The following AOAH variants were observed in gnomAD, a reference collection of about 807,000 sequenced individuals.
The protein encoded by AOAH is acyloxyacyl hydrolase (neutrophil).
Under a neutral mutation model 92.2 loss-of-function variants are expected in AOAH, and 64 were observed. The ratio of observed to expected loss-of-function variants is 0.69; its 90% CI spans 0.57 to 0.86. The LOEUF is 0.86. Among genes scored for constraint, AOAH ranks in the 40% least tolerant of loss-of-function variants. The pLI is 0.00. For synonymous variants in AOAH, 263 were observed against 254.5 expected, an observed-to-expected ratio of 1.03 and a Z score of -0.32; for missense variants, 656 against 694.6, an observed-to-expected ratio of 0.94 and a Z score of 0.62.
intron 2 of AOAH, among the ~76,000 whole-genome samples, chr7:36,680,261 T>C (rs1334773899): frequency 6.6e-6 from 1 of 152,140 alleles, no homozygotes; most frequent in East Asian, 1.9e-4. Flanking sequence ...TGGATGAAAC[T>C]GAGGGTCAGA....
intron 2 of AOAH, among the ~76,000 whole-genome samples, chr7:36,677,966 G>C (rs546218522): frequency 3.3e-5 from 5 of 152,004 alleles, no homozygotes; most frequent in African/African-American, 1.2e-4. Context: ...GTTTGGGGGC[G>C]GATGCTAAAA....
At chr7:36,659,755 C>CTTTT (rs112482487) in intron 3 of AOAH, among the ~76,000 whole-genome samples, 8 of 127,950 alleles carry the variant, frequency 6.3e-5, no homozygotes, top group Non-Finnish European at 9.5e-5. Flanking sequence ...TTTTTTCTTT[C>CTTTT]TTTTTTTTTT....
At chr7:36,568,489 T>C (rs1038860794) in intron 13 of AOAH, among the ~76,000 whole-genome samples, 2 of 152,212 alleles carry the variant, frequency 1.3e-5, no homozygotes, top group Admixed American at 6.5e-5. Flanking sequence ...TTCTGACCCA[T>C]TGGGCACCTA....
Position 36,535,639 on chromosome 7 carries a change from G to A in AOAH, c.1307-3295C>T, listed in dbSNP as rs1055548668. ...GCTTCCTCTCCATAGTCTAACCCTT[G>A]GGATGGCCCCTGAATGCCTGTGACT... is the stretch of plus-strand genomic sequence containing the variant. On this transcript the variant is annotated intron_variant, in intron 16 of 20. Transcript: ENST00000617537. Among the ~76,000 whole-genome samples, 3 of 152,290 alleles carry A rather than the reference G, an allele frequency of 2.0e-5. 1 individual carries two copies. The highest frequency in any genetic ancestry group is 4.1e-4 in the South Asian group (2 of 4,828).
chr7:36,625,506 A>G (rs1216246286), intron 6 of AOAH, among the ~76,000 whole-genome samples: 2 of 152,178 alleles, frequency 1.3e-5, no homozygotes, highest in Non-Finnish European at 2.9e-5. Context: ...AGCTGTGATT[A>G]TGAGTGCCTG....
chr7:36,538,078 A>G (rs1273270189), intron 16 of AOAH, among the ~76,000 whole-genome samples: 1 of 141,474 alleles, frequency 7.1e-6, no homozygotes, highest in Non-Finnish European at 1.5e-5. Flanking sequence ...CCCAGGCTGG[A>G]GTGCAATGGT....
chr7:36,630,861 C>G (rs1401851403), intron 6 of AOAH, among the ~76,000 whole-genome samples: 1 of 152,136 alleles, frequency 6.6e-6, no homozygotes, highest in African/African-American at 2.4e-5. Flanking sequence ...ATCTTGGGTC[C>G]TCAGTGGCCC....
chr7:36,631,365 A>T (rs1415783104), intron 6 of AOAH, among the ~76,000 whole-genome samples: 1 of 149,196 alleles, frequency 6.7e-6, no homozygotes. Context: ...AAAAAAAAAA[A>T]GAAGTAGCTT....
chr7:36,613,973 G>A (rs892514728), intron 11 of AOAH, among the ~76,000 whole-genome samples: 1 of 152,236 alleles, frequency 6.6e-6, no homozygotes, highest in African/African-American at 2.4e-5. Flanking sequence ...GGGCTTGGGA[G>A]AGGTTCAACC....
intron 15 of AOAH, among the ~76,000 whole-genome samples, chr7:36,544,355 G>A (rs1278363166): frequency 1.3e-5 from 2 of 152,164 alleles, no homozygotes; most frequent in African/African-American, 4.8e-5. Flanking sequence ...TAGTGGTTGA[G>A]AACTATCTCC....
At chr7:36,515,474 CA>C (rs1324856387) in intron 20 of AOAH, among the ~76,000 whole-genome samples, 1 of 119,266 alleles carries the variant, frequency 8.4e-6, no homozygotes, top group African/African-American at 3.5e-5. Context: ...ACACCCCTCA[CA>C]ACCCCACACC....
Position 36,513,317 on chromosome 7 carries a change from G to C in AOAH, c.1663C>G (p.Leu555Val). The C allele has an allele frequency of 6.2e-7, 1 of 1,614,136 alleles. No individual in the cohort carries two copies. Among genetic ancestry groups the C allele is most frequent in the South Asian group, 1.1e-5 (1 of 91,080 alleles). ...GGGTTGAACGGATTCTCCTTTCCCAGGATTTGGGGCCACTGGAGCTGCACC... is the reference window on the plus strand; with the variant it reads ...GGGTTGAACGGATTCTCCTTTCCCACGATTTGGGGCCACTGGAGCTGCACC... ...KKVQLQWPQI[L>V]GKENPFNPQI... is the part of the protein sequence containing the mutation. The change falls in exon 21 of 21, where the codon CTG (leucine) becomes GTG (valine). Residue 555 changes from leucine to valine, a missense_variant. Physicochemically the swap from Leu to Val is conservative, Grantham distance 32. Transcript: ENST00000617537.
intron 15 of AOAH, among the ~76,000 whole-genome samples, chr7:36,543,943 C>CTTTTTTTTTTTTTTTTTTTTTTTTTT (rs1407764591): frequency 1.1e-4 from 9 of 82,796 alleles, no homozygotes; most frequent in South Asian, 3.8e-4. Context: ...TTCTTTCTTT[C>CTTTTTTTTTTTTTTTTTTTTTTTTTT]TTTCTTTTTT....
At chr7:36,601,845 A>T (rs1790631646) in intron 11 of AOAH, among the ~76,000 whole-genome samples, 1 of 152,218 alleles carries the variant, frequency 6.6e-6, no homozygotes, top group Non-Finnish European at 1.5e-5. Flanking sequence ...TAGTTCCAGT[A>T]TTGCTAACAC....
At chr7:36,576,454 G>T in intron 13 of AOAH, 120 bp downstream of exon 13, 1 of 622,432 alleles carries the variant, frequency 1.6e-6, no homozygotes, top group South Asian at 2.5e-5. Context: ...GCATTGGAAG[G>T]GAGACCGTTC....
At position 36,645,781 on chromosome 7, in the gene AOAH, G is replaced by A. The variant is rs574479237; in HGVS notation, c.391-7871C>T. The stretch of plus-strand genomic sequence containing the variant: ...TGTTCACTTCATTTTCTTCTTCCAG[G>A]GATGAAAAAAAAAAGGGTAAAAGTA... On this transcript the variant is annotated intron_variant, in intron 4 of 20. Coordinates refer to ENST00000617537, the MANE Select transcript of AOAH (RefSeq NM_001637.4). Among the ~76,000 whole-genome samples the A allele has an allele frequency of 4.6e-5, 7 of 150,552 alleles. No homozygotes were observed. The East Asian group carries it at 1.4e-3, about 29-fold the overall frequency.
At chr7:36,558,688 C>G (rs1787012507) in intron 13 of AOAH, among the ~76,000 whole-genome samples, 1 of 152,246 alleles carries the variant, frequency 6.6e-6, no homozygotes, top group Non-Finnish European at 1.5e-5. Flanking sequence ...GGCGGGAGCC[C>G]CTCCCCCAGC....
At position 36,530,443 on chromosome 7, in the gene AOAH, G is replaced by A. The variant is rs1182344395; in HGVS notation, c.1497C>T (p.Phe499=). 1 of 1,613,128 alleles carries A rather than the reference G, an allele frequency of 6.2e-7. No individual in the cohort carries two copies. The highest frequency in any genetic ancestry group is 1.3e-5 in the African/African-American group (1 of 74,888). Reference sequence around the variant, plus strand: ...TTTCATGGAAGGCAAAATCCATGTAGAAAAGATTGAAGTTTGTAAATTTCT... The same window carrying A: ...TTTCATGGAAGGCAAAATCCATGTAAAAAAGATTGAAGTTTGTAAATTTCT... The part of the protein sequence containing the change: ...ASEKFTNFNL[F]YMDFAFHEII... The change falls in exon 19 of 21, where the codon TTC becomes TTT. Residue 499 remains phenylalanine, a synonymous_variant. Coordinates refer to ENST00000617537, the MANE Select transcript of AOAH (RefSeq NM_001637.4).
At chr7:36,597,369 TTC>T (rs1790203876) in intron 11 of AOAH, among the ~76,000 whole-genome samples, 1 of 152,184 alleles carries the variant, frequency 6.6e-6, no homozygotes, top group African/African-American at 2.4e-5. Flanking sequence ...AGCAAAACTT[TTC>T]TCTGTGTTTT....
Sources: gnomAD v4.1 joint callset for allele counts (sites outside exome capture counted in the v4.1 genomes callset) on GRCh38, gnomAD v4.1.1 for gene constraint, MANE v1.5 for transcripts, NCBI Gene and HGNC (gene_info 2026-07-23, HGNC 2026-07-21) for gene names.